Variants in SPAG9 observed in about 807,000 individuals in gnomAD.
SPAG9 encodes the protein C-Jun-amino-terminal kinase-interacting protein 4.
SPAG9 carries 35 observed loss-of-function variants against 166.5 expected under a neutral mutation model. That is an observed-to-expected ratio of 0.21 (90% CI 0.16 to 0.28). SPAG9 has a LOEUF of 0.28. Among genes scored for constraint, SPAG9 ranks in the 10% least tolerant of loss-of-function variants. SPAG9 has a pLI of 1.00. For synonymous variants in SPAG9, 534 were observed against 565.5 expected (o/e 0.94, Z 0.79); for missense variants, 1,235 against 1,603.3 (o/e 0.77, Z 3.92).
chr17:51,003,383 T>A (rs1334349794), intron 12 of SPAG9, among the ~76,000 whole-genome samples: 1 of 152,230 alleles, frequency 6.6e-6, no homozygotes, highest in African/African-American at 2.4e-5. Flanking sequence ...TTTTAATTCA[T>A]GCTCTGTAAC....
At chr17:50,990,346 G>A in intron 20 of SPAG9, 104 bp downstream of exon 20, 1 of 924,060 alleles carries the variant, frequency 1.1e-6, no homozygotes. Context: ...CTTCTTTCAA[G>A]TTCTTTCAAC....
intron 1 of SPAG9, among the ~76,000 whole-genome samples, chr17:51,106,907 G>A (rs1248248584): frequency 6.6e-6 from 1 of 151,878 alleles, no homozygotes; most frequent in Non-Finnish European, 1.5e-5. Flanking sequence ...TTCAAGACCA[G>A]CCTGGCTAAT....
At chr17:51,096,264 G>C (rs1054332605) in intron 1 of SPAG9, among the ~76,000 whole-genome samples, 1 of 151,220 alleles carries the variant, frequency 6.6e-6, no homozygotes, top group African/African-American at 2.4e-5. Context: ...CAGCAGAATT[G>C]CTTGAACCCA....
intron 13 of SPAG9, among the ~76,000 whole-genome samples, chr17:51,000,105 G>A (rs2044866440): frequency 6.6e-6 from 1 of 151,982 alleles, no homozygotes; most frequent in Admixed American, 6.5e-5. Flanking sequence ...TCTATACTCG[G>A]AGCTCTCACA....
In SPAG9 at chr17:50,962,547, C is replaced by G. The variant is rs1376981135; in HGVS notation, c.*3725G>C. 1.3e-5 allele frequency: 2 copies of G among 152,226 alleles called. No individual in the cohort carries two copies. The highest frequency in any genetic ancestry group is 4.8e-5 in the African/African-American group (2 of 41,466). 9.4% of individuals were successfully genotyped at this position (152,226 alleles called of 1,614,324 possible). A position where few individuals can be genotyped will look rare whatever the true frequency, so the allele number is the denominator to read the frequency against. ...GTTAGAAAAGCATTTATGATTTCCACATTTAATTTTCTCTTCTACTCTTCC... is the reference window on the plus strand; with the variant it reads ...GTTAGAAAAGCATTTATGATTTCCAGATTTAATTTTCTCTTCTACTCTTCC... On this transcript the variant is annotated 3_prime_UTR_variant, in exon 30 of 30. Transcript: ENST00000262013.
rs2045500104 is a variant in SPAG9, at chr17:51,011,914, A to T, written c.1213+2318T>A. Among the ~76,000 whole-genome samples the T allele has an allele frequency of 2.0e-5, 3 of 152,200 alleles. No individual in the cohort carries two copies. The South Asian group carries it at 6.2e-4, about 32-fold the overall frequency. On this transcript the variant is annotated intron_variant, in intron 9 of 29. Transcript: ENST00000262013. ...AAGACAACAGATATTTCTAAGTACT[A>T]TGGGGCTTCTAAATACTTCATAAGA...
In SPAG9 at chr17:50,990,443, G is replaced by A; in HGVS notation, c.2617+7C>T. On this transcript the variant is annotated splice_region_variant and intron_variant, in intron 20 of 29. Coordinates refer to ENST00000262013, the MANE Select transcript of SPAG9 (RefSeq NM_001130528.3). Reference sequence around the variant, plus strand: ...ATACAGATGGCAGGTAAAGAGAATGGATATACCTGGTGGTTTATCCATCAC... The same window carrying A: ...ATACAGATGGCAGGTAAAGAGAATGAATATACCTGGTGGTTTATCCATCAC... 1 of 1,601,776 alleles carries A rather than the reference G, an allele frequency of 6.2e-7. No homozygotes were observed. Among genetic ancestry groups the A allele is most frequent in the Non-Finnish European group, 8.6e-7 (1 of 1,168,688 alleles).
intron 8 of SPAG9, among the ~76,000 whole-genome samples, chr17:51,019,430 G>A (rs1318622440): frequency 6.6e-6 from 1 of 152,006 alleles, no homozygotes; most frequent in Non-Finnish European, 1.5e-5. Flanking sequence ...GGTGGTGGGT[G>A]CCTGTAATCC....
chr17:51,036,368 A>T (rs955444052), intron 5 of SPAG9, among the ~76,000 whole-genome samples: 2 of 152,098 alleles, frequency 1.3e-5, no homozygotes, highest in African/African-American at 4.8e-5. Flanking sequence ...TTCAGTCCTC[A>T]TTCTACTTGA....
At chr17:51,031,981 C>CT (rs913437711) in intron 5 of SPAG9, 33 of 588,022 alleles carry the variant, frequency 5.6e-5, no homozygotes, top group East Asian at 7.2e-5. Flanking sequence ...ATTGTTTAAC[C>CT]TTTTTTTTCT....
chr17:51,108,386 CAAA>C (rs71355710), intron 1 of SPAG9, among the ~76,000 whole-genome samples: 31,625 of 119,236 alleles, frequency 0.27, 3,872 homozygotes, highest in Admixed American at 0.37. Flanking sequence ...AAGACTGTCT[CAAA>C]AAAAAAAAAA....
intron 1 of SPAG9, among the ~76,000 whole-genome samples, chr17:51,105,991 G>A (rs894531039): frequency 5.3e-5 from 8 of 151,904 alleles, no homozygotes; most frequent in Non-Finnish European, 7.4e-5. Flanking sequence ...ATGGCCAGGC[G>A]CAGTGGTTCA....
At chr17:51,089,472 C>T (rs1351528252) in intron 1 of SPAG9, among the ~76,000 whole-genome samples, 4 of 149,190 alleles carry the variant, frequency 2.7e-5, no homozygotes, top group Admixed American at 6.8e-5. Flanking sequence ...ACAGGTGCAC[C>T]GAAATCTCGG....
intron 2 of SPAG9, among the ~76,000 whole-genome samples, chr17:51,061,612 CAA>C (rs34010166): frequency 7.3e-3 from 230 of 31,690 alleles, no homozygotes; most frequent in African/African-American, 0.023. Context: ...GCTCTGTCTC[CAA>C]AAAAAAAAAA....
chr17:50,991,465 A>C (rs1382685928), intron 19 of SPAG9, among the ~76,000 whole-genome samples: 2 of 151,970 alleles, frequency 1.3e-5, no homozygotes, highest in Non-Finnish European at 2.9e-5. Context: ...TAATTTAGAA[A>C]ATTGTTTTAT....
rs71381331 is a variant in SPAG9, at chr17:51,037,690, G to T, written c.741+3811C>A. Among the ~76,000 whole-genome samples, 443 of 89,426 alleles carry T rather than the reference G, an allele frequency of 5.0e-3. 6 individuals carry two copies. The highest frequency in any genetic ancestry group is 0.016 in the African/African-American group (418 of 25,610). 58.7% of individuals were successfully genotyped at this position (89,426 alleles called of 152,430 possible). ...TTATATATATATATATATATAGTGT[G>T]TGTGTGTGTGTGTGTGTGTGTGTGT... On this transcript the variant is annotated intron_variant, in intron 5 of 29. Transcript: ENST00000262013.
At chr17:51,010,577 A>AT (rs1248460771) in intron 9 of SPAG9, among the ~76,000 whole-genome samples, 2 of 139,136 alleles carry the variant, frequency 1.4e-5, no homozygotes, top group African/African-American at 5.7e-5. Context: ...AGAAAAAAAA[A>AT]AAAAAATATA....
In SPAG9 at chr17:51,014,270, C is replaced by T; in HGVS notation, c.1175G>A (p.Gly392Asp). ...LFEELSSAGS[G>D]LIGDVDEGAD... Reference sequence around the variant, plus strand: ...TCCTTCATCCACATCTCCTATTAGGCCTGAGCCAGCTGAAGACAGTTCTTC... The same window carrying T: ...TCCTTCATCCACATCTCCTATTAGGTCTGAGCCAGCTGAAGACAGTTCTTC... Residue 392 changes from glycine (G) to aspartate (D), a missense_variant, in exon 9 of 30, where the codon GGC becomes GAC. Physicochemically the swap from Gly to Asp is moderately conservative, Grantham distance 94 (BLOSUM62 -1). This residue lies in a region of SPAG9 where 288 missense variants were observed against 323.7 expected (regional missense o/e 0.89). Coordinates refer to ENST00000262013, the MANE Select transcript of SPAG9 (RefSeq NM_001130528.3). 1.2e-6 allele frequency: 2 copies of T among 1,613,366 alleles called. No individual in the cohort carries two copies. Among genetic ancestry groups the T allele is most frequent in the Non-Finnish European group, 8.5e-7 (1 of 1,179,500 alleles).
At chr17:50,980,826 C>T (rs527367019) in intron 25 of SPAG9, among the ~76,000 whole-genome samples, 2 of 151,834 alleles carry the variant, frequency 1.3e-5, no homozygotes, top group East Asian at 3.9e-4. Context: ...AGCAAGATCC[C>T]GTCTCTACAA....
Sources: allele counts gnomAD v4.1 joint callset (sites outside exome capture counted in the v4.1 genomes callset), GRCh38; gene constraint gnomAD v4.1.1; regional missense constraint gnomAD v4.1.1; transcripts MANE v1.5; gene names NCBI Gene and HGNC (gene_info 2026-07-23, HGNC 2026-07-21).